The following HDAC9 variants were observed in gnomAD, a reference collection of about 807,000 sequenced individuals.
HDAC9 encodes MEF-2 interacting transcription repressor (MITR) protein.
A neutral mutation model predicts 139.4 loss-of-function variants in HDAC9; 41 were observed. The ratio of observed to expected loss-of-function variants is 0.29; its 90% CI spans 0.23 to 0.38. The LOEUF (loss-of-function observed/expected upper bound fraction) is 0.38. HDAC9 is among the 10% of genes least tolerant of loss of function. HDAC9 has a pLI of 1.00. For synonymous variants in HDAC9, 517 were observed against 476.2 expected, an observed-to-expected ratio of 1.09 and a Z score of -1.12; for missense variants, 1,147 against 1,297.0, an observed-to-expected ratio of 0.88 and a Z score of 1.78.
At chr7:18,570,835 G>T (rs1369422754) in intron 2 of HDAC9, among the ~76,000 whole-genome samples, 1 of 152,216 alleles carries the variant, frequency 6.6e-6, no homozygotes, top group East Asian at 1.9e-4. Flanking sequence ...GCTGTAATTA[G>T]TGTTGGTTCC....
chr7:18,894,459 C>T (rs73322104), intron 22 of HDAC9, among the ~76,000 whole-genome samples: 1 of 152,010 alleles, frequency 6.6e-6, no homozygotes, highest in East Asian at 1.9e-4. Context: ...ATCAAATGTC[C>T]TTAAAGGGTC....
intron 6 of HDAC9, among the ~76,000 whole-genome samples, chr7:18,600,901 C>A (rs1363588162): frequency 6.6e-6 from 1 of 152,134 alleles, no homozygotes; most frequent in Non-Finnish European, 1.5e-5. Flanking sequence ...CTCCTGGGCT[C>A]AAGTGATCTT....
In HDAC9 at chr7:18,529,143, A is replaced by G. The variant is rs555301060; in HGVS notation, c.22+32819A>G. ...AATGAGTGGAAAATTTCTGTAGCCA[A>G]GAAGAAAATTAAAAATAGGAGACAG... On this transcript the variant is annotated intron_variant, in intron 2 of 25. Coordinates refer to ENST00000686413, the MANE Select transcript of HDAC9 (RefSeq NM_178425.4). Among the ~76,000 whole-genome samples, 23 of 152,296 alleles carry G rather than the reference A, an allele frequency of 1.5e-4. No homozygotes were observed. The East Asian group carries it at 3.7e-3, about 24-fold the overall frequency.
intron 12 of HDAC9, among the ~76,000 whole-genome samples, chr7:18,693,508 A>C (rs1304031838): frequency 6.6e-6 from 1 of 152,174 alleles, no homozygotes; most frequent in Admixed American, 6.6e-5. Flanking sequence ...TTTAACGAAA[A>C]AAATTTTCAA....
At chr7:18,406,397 T>TA (rs1788006857) in intron 1 of HDAC9, among the ~76,000 whole-genome samples, 1 of 152,082 alleles carries the variant, frequency 6.6e-6, no homozygotes, top group Non-Finnish European at 1.5e-5. Context: ...TCTTTTTTTT[T>TA]ATTTTTTTCT....
intron 1 of HDAC9, among the ~76,000 whole-genome samples, chr7:18,112,868 G>C (rs1212058167): frequency 6.6e-6 from 1 of 152,166 alleles, no homozygotes; most frequent in African/African-American, 2.4e-5. Flanking sequence ...TGTTGCATAG[G>C]TACTAGGTTG....
At chr7:18,206,437 A>G (rs1045617713) in intron 2 of HDAC9, among the ~76,000 whole-genome samples, 19 of 152,184 alleles carry the variant, frequency 1.2e-4, no homozygotes, top group African/African-American at 4.3e-4. Flanking sequence ...GTCAGGAGTA[A>G]GCAGGGCCTC....
chr7:18,839,412 G>A (rs1331533915), intron 21 of HDAC9, among the ~76,000 whole-genome samples: 5 of 152,044 alleles, frequency 3.3e-5, no homozygotes, highest in Non-Finnish European at 5.9e-5. Flanking sequence ...AAAGCACAGT[G>A]ACTTTTTACC....
At chr7:18,676,963 C>A (rs1038144166) in intron 12 of HDAC9, among the ~76,000 whole-genome samples, 3 of 151,832 alleles carry the variant, frequency 2.0e-5, no homozygotes, top group Non-Finnish European at 4.4e-5. Flanking sequence ...CTTCCTAAAT[C>A]TTAGTGATTT....
chr7:18,970,384 T>C (rs191695662), intron 24 of HDAC9, among the ~76,000 whole-genome samples: 13 of 152,320 alleles, frequency 8.5e-5, no homozygotes, highest in African/African-American at 3.1e-4. Context: ...TGAAATGAAT[T>C]TTAGTTGTAA....
intron 12 of HDAC9, among the ~76,000 whole-genome samples, chr7:18,699,624 C>T (rs994322460): frequency 4.6e-5 from 7 of 151,762 alleles, no homozygotes; most frequent in African/African-American, 1.7e-4. Flanking sequence ...TAGTGAACAC[C>T]CTCCCAATTA....
chr7:18,894,800 A>C (rs898975694), intron 22 of HDAC9, among the ~76,000 whole-genome samples: 2 of 152,120 alleles, frequency 1.3e-5, no homozygotes, highest in African/African-American at 4.8e-5. Flanking sequence ...TTGCTATACA[A>C]ATGTTCTTGA....
At chr7:18,251,634 C>T (rs149317411) in intron 2 of HDAC9, among the ~76,000 whole-genome samples, 1 of 152,248 alleles carries the variant, frequency 6.6e-6, no homozygotes, top group East Asian at 1.9e-4. Flanking sequence ...ATGAAAGTGA[C>T]ATTAGTCATT....
At chr7:18,525,593 T>A (rs995732411) in intron 2 of HDAC9, among the ~76,000 whole-genome samples, 3 of 152,204 alleles carry the variant, frequency 2.0e-5, no homozygotes, top group East Asian at 1.9e-4. Context: ...TTGCTTTTTT[T>A]AAAAGCTACT....
At chr7:18,926,372 T>C (rs1804229569) in intron 22 of HDAC9, among the ~76,000 whole-genome samples, 1 of 152,148 alleles carries the variant, frequency 6.6e-6, no homozygotes, top group Non-Finnish European at 1.5e-5. Flanking sequence ...ATACTGAGCA[T>C]CTGCCATATG....
intron 17 of HDAC9, among the ~76,000 whole-genome samples, chr7:18,819,157 G>T (rs896356101): frequency 1.3e-5 from 2 of 152,128 alleles, no homozygotes; most frequent in Admixed American, 6.5e-5. Context: ...GTGCGCACTT[G>T]CAATCCCAGC....
Position 18,300,628 on chromosome 7 carries a change from G to A in HDAC9, c.-42+10113G>A, listed in dbSNP as rs531060455. On this transcript the variant is annotated intron_variant, in intron 1 of 3. Coordinates refer to the HDAC9 transcript ENST00000413509. ...ACAGATTGACTTAGTTTTTCAGTTT[G>A]CAATTATCTTCCCAGTTAAATATAA... 1.3e-4 allele frequency among the ~76,000 whole-genome samples: 19 copies of A among 151,988 alleles called. No individual in the cohort carries two copies. In the South Asian group the frequency reaches 4.0e-3, roughly 32 times the overall value.
intron 2 of HDAC9, among the ~76,000 whole-genome samples, chr7:18,204,013 G>A (rs1308627778): frequency 6.6e-6 from 1 of 152,156 alleles, no homozygotes; most frequent in African/African-American, 2.4e-5. Flanking sequence ...CATGGTGAAT[G>A]TAAACAAACA....
In HDAC9 at chr7:18,143,611, C is replaced by G. The variant is rs568919540; in HGVS notation, c.-96-18618C>G. Among the ~76,000 whole-genome samples, 8 of 152,128 alleles carry G rather than the reference C, an allele frequency of 5.3e-5. No individual in the cohort carries two copies. In the South Asian group the frequency reaches 1.7e-3, roughly 32 times the overall value. On this transcript the variant is annotated intron_variant, in intron 1 of 12. Coordinates refer to the HDAC9 transcript ENST00000417496. The stretch of plus-strand genomic sequence containing the variant: ...GAACAGCCTGACTAACATGGTGAAA[C>G]CTCGTATCTACTAAAAATACAAAAA...
Sources: gnomAD v4.1 joint callset for allele counts (sites outside exome capture counted in the v4.1 genomes callset) on GRCh38, gnomAD v4.1.1 for gene constraint, MANE v1.5 for transcripts, NCBI Gene and HGNC (gene_info 2026-07-23, HGNC 2026-07-21) for gene names.